Variants in ZNF131 observed in about 807,000 individuals in gnomAD.
The protein encoded by ZNF131 is zinc finger and BTB domain containing 35.
Under a neutral mutation model 60.0 loss-of-function variants are expected in ZNF131, and 7 were observed. That is an observed-to-expected ratio of 0.12 (90% CI 0.07 to 0.22). ZNF131 has a LOEUF of 0.22. Among genes scored for constraint, ZNF131 ranks in the 10% least tolerant of loss-of-function variants. The pLI is 1.00. For missense variants in ZNF131, 493 were observed against 740.9 expected (o/e 0.67, Z 3.88); for synonymous variants, 257 against 253.2 (o/e 1.01, Z -0.14).
intron 5 of ZNF131, among the ~76,000 whole-genome samples, chr5:43,163,627 A>G (rs982271126): frequency 6.6e-6 from 1 of 152,308 alleles, no homozygotes; most frequent in East Asian, 1.9e-4. Flanking sequence ...GCTACCACCA[A>G]CGAATTGAAT....
rs1383788652 is a variant in ZNF131, at chr5:43,174,931, C to G, written c.1670C>G (p.Thr557Ser). The G allele has an allele frequency of 6.2e-7, 1 of 1,614,000 alleles. No individual in the cohort carries two copies. Among genetic ancestry groups the G allele is most frequent in the Non-Finnish European group, 8.5e-7 (1 of 1,180,042 alleles). Residue 557 changes from threonine to serine, a missense_variant, in exon 7 of 7, where the codon ACT becomes AGT. Physicochemically the swap from Thr to Ser is moderately conservative, Grantham distance 58. This residue lies in a region of ZNF131 where 202 missense variants were observed against 221.3 expected (regional missense o/e 0.91). Coordinates refer to ENST00000682664, the MANE Select transcript of ZNF131 (RefSeq NM_001330707.2). Reference sequence around the variant, plus strand: ...AATCAAATGCCAGTGGAAGTACAAACTGAACTTCTAGAAGCAGATTTGGAC... The same window carrying G: ...AATCAAATGCCAGTGGAAGTACAAAGTGAACTTCTAGAAGCAGATTTGGAC... Reference protein sequence around the residue: ...RVNQMPVEVQTELLEADLDHV... With the variant: ...RVNQMPVEVQSELLEADLDHV...
intron 4 of ZNF131, among the ~76,000 whole-genome samples, chr5:43,143,978 A>T (rs889425046): frequency 3.3e-5 from 4 of 122,840 alleles, no homozygotes; most frequent in African/African-American, 1.3e-4. Context: ...ACTGGAATGC[A>T]GTGGTGCGAT....
rs896947787 is a variant in ZNF131 at position 43,166,053 on chromosome 5, C to T, written c.1054+4122C>T. Among the ~76,000 whole-genome samples, 3 of 152,208 alleles carry T rather than the reference C, an allele frequency of 2.0e-5. 1 individual carries two copies. The highest frequency in any genetic ancestry group is 2.0e-4 in the Admixed American group (3 of 15,286). On this transcript the variant is annotated intron_variant, in intron 5 of 6. Transcript: ENST00000682664. ...TCTGCAACTTCTTACCTCTCTCAAC[C>T]TTCATAGAATTGAAGAAAGGGCCTT...
chr5:43,155,415 G>T (rs1617756), intron 4 of ZNF131, among the ~76,000 whole-genome samples: 9,540 of 152,226 alleles, frequency 0.063, 367 homozygotes, highest in South Asian at 0.13. Flanking sequence ...GCTGTGTCAG[G>T]GTTCAGCAAG....
chr5:43,135,006 A>G (rs1267740700), intron 3 of ZNF131, among the ~76,000 whole-genome samples: 1 of 126,440 alleles, frequency 7.9e-6, no homozygotes, highest in African/African-American at 3.0e-5. Flanking sequence ...CATCAGTTAC[A>G]TTTTTTTTTG....
At chr5:43,173,548 CTGACGGT>C in intron 6 of ZNF131, 100 bp downstream of exon 6, 1 of 1,390,200 alleles carries the variant, frequency 7.2e-7, no homozygotes, top group East Asian at 2.3e-5. Flanking sequence ...GGTATAGGGG[CTGACGGT>C]TTGGAAAGAA....
At chr5:43,148,054 T>G (rs1250395424) in intron 4 of ZNF131, among the ~76,000 whole-genome samples, 1 of 150,812 alleles carries the variant, frequency 6.6e-6, no homozygotes, top group Non-Finnish European at 1.5e-5. Context: ...TTTTTTTTTT[T>G]TTTTTTTCTG....
chr5:43,162,458 G>A (rs191592999), intron 5 of ZNF131, among the ~76,000 whole-genome samples: 1 of 151,714 alleles, frequency 6.6e-6, no homozygotes, highest in Non-Finnish European at 1.5e-5. Flanking sequence ...CAGGCGTGGT[G>A]GTGGGCACTC....
intron 3 of ZNF131, among the ~76,000 whole-genome samples, chr5:43,128,081 C>G (rs3797308): frequency 0.089 from 13,592 of 152,260 alleles, 807 homozygotes; most frequent in East Asian, 0.19. Flanking sequence ...TTACTCCTTT[C>G]TAAGCATTTC....
intron 5 of ZNF131, among the ~76,000 whole-genome samples, chr5:43,162,135 T>G (rs1749757374): frequency 6.6e-6 from 1 of 152,212 alleles, no homozygotes; most frequent in African/African-American, 2.4e-5. Context: ...TGGAAGTAAT[T>G]GTTACTTTTA....
rs200352005 is a variant in ZNF131 at position 43,122,759 on chromosome 5, C to CAT, written c.125-448_125-447dup. ...CCTGTTTTTAAAATTATGGGTCTAC[C>CAT]ATAGATGGAGCTTCCAAATATTAGG... On this transcript the variant is annotated intron_variant, in intron 2 of 6. Coordinates refer to ENST00000682664, the MANE Select transcript of ZNF131 (RefSeq NM_001330707.2). Among the ~76,000 whole-genome samples, 39 of 152,218 alleles carry CAT rather than the reference C, an allele frequency of 2.6e-4. No individual in the cohort carries two copies. In the East Asian group the frequency reaches 7.3e-3, roughly 29 times the overall value.
intron 4 of ZNF131, among the ~76,000 whole-genome samples, chr5:43,145,607 C>T (rs185717163): frequency 1.5e-3 from 228 of 152,008 alleles, no homozygotes; most frequent in African/African-American, 5.3e-3. Context: ...AAGCCAAGAT[C>T]GCACCACTGC....
chr5:43,162,014 G>T, intron 5 of ZNF131, 83 bp downstream of exon 5: 1 of 1,333,474 alleles, frequency 7.5e-7, no homozygotes, highest in Admixed American at 2.8e-5. Flanking sequence ...TAAAAAAATA[G>T]TGCCTCAGAA....
intron 6 of ZNF131, 100 bp downstream of exon 6, chr5:43,173,548 C>A: frequency 7.2e-7 from 1 of 1,390,196 alleles, no homozygotes; most frequent in African/African-American, 1.4e-5. Flanking sequence ...GGTATAGGGG[C>A]TGACGGTTTG....
chr5:43,167,008 A>G (rs1243237388), intron 5 of ZNF131, among the ~76,000 whole-genome samples: 1 of 152,182 alleles, frequency 6.6e-6, no homozygotes, highest in Non-Finnish European at 1.5e-5. Flanking sequence ...AAGGTTATTA[A>G]TTGATCTGAT....
At chr5:43,159,711 A>C (rs1452424407) in intron 4 of ZNF131, among the ~76,000 whole-genome samples, 3 of 151,590 alleles carry the variant, frequency 2.0e-5, no homozygotes, top group African/African-American at 7.3e-5. Context: ...AAAAAAAAAA[A>C]AACCAAACAA....
chr5:43,128,901 C>T (rs953169713), intron 3 of ZNF131, among the ~76,000 whole-genome samples: 4 of 151,898 alleles, frequency 2.6e-5, no homozygotes, highest in African/African-American at 7.3e-5. Context: ...CCACCAAGGC[C>T]AGCTAGTCTT....
chr5:43,149,993 C>T (rs912898880), intron 4 of ZNF131, among the ~76,000 whole-genome samples: 1 of 152,096 alleles, frequency 6.6e-6, no homozygotes, highest in African/African-American at 2.4e-5. Context: ...CTCTTGAGTC[C>T]AGAAAAGGGC....
rs1035501011 is a variant in ZNF131 at position 43,172,209 on chromosome 5, C to A, written c.1055-1109C>A. Among the ~76,000 whole-genome samples, 5 of 152,380 alleles carry A rather than the reference C, an allele frequency of 3.3e-5. No individual in the cohort carries two copies. The East Asian group carries it at 9.6e-4, about 29-fold the overall frequency. On this transcript the variant is annotated intron_variant, in intron 5 of 6. Coordinates refer to ENST00000682664, the MANE Select transcript of ZNF131 (RefSeq NM_001330707.2). ...CTACTTCTGGCTGTTTCATTTCCTTCACTAGCCCATCTACCTGCTGTTTTA... is the reference window on the plus strand; with the variant it reads ...CTACTTCTGGCTGTTTCATTTCCTTAACTAGCCCATCTACCTGCTGTTTTA...
Sources: gnomAD v4.1 joint callset for allele counts (sites outside exome capture counted in the v4.1 genomes callset) on GRCh38, gnomAD v4.1.1 for gene constraint, gnomAD v4.1.1 regional missense constraint, MANE v1.5 for transcripts, NCBI Gene and HGNC (gene_info 2026-07-23, HGNC 2026-07-21) for gene names.